The following RALYL variants were observed in gnomAD, a reference collection of about 807,000 sequenced individuals.
The protein encoded by RALYL is RNA-binding Raly-like protein.
In RALYL, 29 loss-of-function variants were observed where a neutral mutation model predicts 35.1. That is an observed-to-expected ratio of 0.83 (90% CI 0.61 to 1.13). RALYL has a LOEUF of 1.13. Among genes scored for constraint, RALYL ranks in the 50% most tolerant of loss-of-function variants. The pLI is 0.00. For missense variants in RALYL, 359 were observed against 360.4 expected, an observed-to-expected ratio of 1.00 and a Z score of 0.03; for synonymous variants, 120 against 127.6, an observed-to-expected ratio of 0.94 and a Z score of 0.40.
chr8:84,387,712 C>T (rs1265399304), intron 1 of RALYL, among the ~76,000 whole-genome samples: 2 of 151,850 alleles, frequency 1.3e-5, no homozygotes, highest in Non-Finnish European at 2.9e-5. Context: ...CTTTAGCTAC[C>T]ACTCAGCTCC....
At chr8:84,511,090 C>T (rs2134410992) in intron 1 of RALYL, among the ~76,000 whole-genome samples, 1 of 152,276 alleles carries the variant, frequency 6.6e-6, no homozygotes, top group East Asian at 1.9e-4. Context: ...TTTCCCTAGC[C>T]CTTAAGCCTC....
At chr8:84,878,434 A>G (rs1407024415) in intron 7 of RALYL, among the ~76,000 whole-genome samples, 2 of 152,176 alleles carry the variant, frequency 1.3e-5, no homozygotes, top group Non-Finnish European at 2.9e-5. Context: ...GACCACCTAC[A>G]GAGACAGTAT....
intron 1 of RALYL, among the ~76,000 whole-genome samples, chr8:84,218,481 G>A (rs915802298): frequency 6.6e-6 from 1 of 152,004 alleles, no homozygotes; most frequent in African/African-American, 2.4e-5. Flanking sequence ...GTTAAAATGT[G>A]ATAAATATGT....
rs188077566 is a variant in RALYL, at chr8:84,551,009, T to A, written c.256+21432T>A. Among the ~76,000 whole-genome samples, 73 of 152,190 alleles carry A rather than the reference T, an allele frequency of 4.8e-4. 1 individual carries two copies. In the East Asian group the frequency reaches 0.013, roughly 27 times the overall value. On this transcript the variant is annotated intron_variant, in intron 2 of 8. Transcript: ENST00000521268. ...AAAATAAAGCATAAACAAGATTTTT[T>A]AAGGGTAGTGACATTTACACACAAA...
chr8:84,690,894 T>G (rs956908651), intron 2 of RALYL, among the ~76,000 whole-genome samples: 3 of 152,008 alleles, frequency 2.0e-5, no homozygotes, highest in Non-Finnish European at 2.9e-5. Context: ...TAATTCACAT[T>G]TTAAAATAAA....
At chr8:84,337,434 A>G (rs1848004584) in intron 1 of RALYL, among the ~76,000 whole-genome samples, 1 of 152,040 alleles carries the variant, frequency 6.6e-6, no homozygotes, top group African/African-American at 2.4e-5. Context: ...TTGAGTGCAA[A>G]AAAGCTGCAG....
At chr8:84,714,325 A>C (rs1218005394) in intron 2 of RALYL, among the ~76,000 whole-genome samples, 1 of 151,838 alleles carries the variant, frequency 6.6e-6, no homozygotes, top group Non-Finnish European at 1.5e-5. Flanking sequence ...TACGTTCAGG[A>C]GATCTATTGT....
At chr8:84,552,611 C>G (rs2060823758) in intron 2 of RALYL, among the ~76,000 whole-genome samples, 1 of 151,638 alleles carries the variant, frequency 6.6e-6, no homozygotes, top group Non-Finnish European at 1.5e-5. Flanking sequence ...ATTTGTTCCA[C>G]TTTTCATGAT....
chr8:84,685,361 T>C (rs1424214157), intron 2 of RALYL, among the ~76,000 whole-genome samples: 1 of 152,126 alleles, frequency 6.6e-6, no homozygotes, highest in East Asian at 1.9e-4. Context: ...GTGAGGCTAC[T>C]GCACTAGTCT....
chr8:84,627,021 C>T (rs189782262), intron 2 of RALYL, among the ~76,000 whole-genome samples: 171 of 152,246 alleles, frequency 1.1e-3, no homozygotes, highest in African/African-American at 4.0e-3. Flanking sequence ...TATCTCCCTT[C>T]ACCTTACACA....
Position 84,444,029 on chromosome 8 carries a change from A to G in RALYL, c.-23-85270A>G, listed in dbSNP as rs541096945. The stretch of plus-strand genomic sequence containing the variant: ...TTTCCTTTGTGTGAATAAGTATTCA[A>G]ATAAAAAACACAAAACAGGCTGGGT... On this transcript the variant is annotated intron_variant, in intron 1 of 8. Transcript: ENST00000521268. 5.9e-5 allele frequency among the ~76,000 whole-genome samples: 9 copies of G among 152,216 alleles called. No individual in the cohort carries two copies. The South Asian group carries it at 1.9e-3, about 32-fold the overall frequency.
chr8:84,498,965 G>A (rs1478666946), intron 1 of RALYL, among the ~76,000 whole-genome samples: 2 of 152,060 alleles, frequency 1.3e-5, no homozygotes, highest in African/African-American at 4.8e-5. Flanking sequence ...AGGAAAAAGT[G>A]ATTTGGAAGT....
In RALYL at chr8:84,369,545, A is replaced by AG. The variant is rs200565382; in HGVS notation, c.-23-159748dup. Among the ~76,000 whole-genome samples the AG allele has an allele frequency of 6.1e-4, 93 of 152,116 alleles. No homozygotes were observed. The East Asian group carries it at 0.014, about 22-fold the overall frequency. On this transcript the variant is annotated intron_variant, in intron 1 of 8. Transcript: ENST00000521268. Reference sequence around the variant, plus strand: ...ACATGAAGGACATTCAAAGAGCTTCAGGGGGGTAGGTTGTGGAAGACATTA... The same window carrying AG: ...ACATGAAGGACATTCAAAGAGCTTCAGGGGGGGTAGGTTGTGGAAGACATTA...
intron 1 of RALYL, among the ~76,000 whole-genome samples, chr8:84,196,632 A>G (rs1185072498): frequency 6.6e-6 from 1 of 152,224 alleles, no homozygotes; most frequent in Non-Finnish European, 1.5e-5. Flanking sequence ...GCCAGTGGCT[A>G]TCACATAGAA....
intron 1 of RALYL, among the ~76,000 whole-genome samples, chr8:84,519,385 T>C (rs2058295210): frequency 6.6e-6 from 1 of 152,206 alleles, no homozygotes; most frequent in Non-Finnish European, 1.5e-5. Context: ...TAGCAGTTTG[T>C]AGCTATTCTC....
At chr8:84,324,116 T>C (rs1267535528) in intron 1 of RALYL, among the ~76,000 whole-genome samples, 11 of 152,050 alleles carry the variant, frequency 7.2e-5, no homozygotes, top group Non-Finnish European at 1.0e-4. Flanking sequence ...TTGTCTAAGA[T>C]ACAAGTATTC....
chr8:84,740,726 G>A (rs556669952), intron 2 of RALYL, among the ~76,000 whole-genome samples: 2 of 152,146 alleles, frequency 1.3e-5, no homozygotes, highest in South Asian at 4.1e-4. Flanking sequence ...ATGAACCACA[G>A]TTGAATTGTG....
chr8:84,786,608 C>T, intron 3 of RALYL, among the ~76,000 whole-genome samples: 1 of 152,078 alleles, frequency 6.6e-6, no homozygotes, highest in Non-Finnish European at 1.5e-5. Context: ...CATGTGTTCG[C>T]TGGCTGCATA....
chr8:84,575,018 TTCC>T (rs1299799922), intron 2 of RALYL, among the ~76,000 whole-genome samples: 3 of 152,210 alleles, frequency 2.0e-5, no homozygotes, highest in African/African-American at 7.2e-5. Flanking sequence ...CTTTCATTTC[TTCC>T]CCCTTGATGA....
Sources: allele counts gnomAD v4.1 joint callset (sites outside exome capture counted in the v4.1 genomes callset), GRCh38; gene constraint gnomAD v4.1.1; transcripts MANE v1.5; gene names NCBI Gene and HGNC (gene_info 2026-07-23, HGNC 2026-07-21).